ATP8A2: variants seen among roughly 807,000 people sequenced by gnomAD.
The protein encoded by ATP8A2 is phospholipid-transporting ATPase IB.
A neutral mutation model predicts 165.6 loss-of-function variants in ATP8A2; 100 were observed. The ratio of observed to expected loss-of-function variants is 0.60; its 90% CI spans 0.51 to 0.71. The LOEUF (loss-of-function observed/expected upper bound fraction) is 0.71. ATP8A2 is among the 30% of genes least tolerant of loss of function. The pLI, the probability that ATP8A2 is intolerant of heterozygous loss-of-function variation, is 0.00. For missense variants in ATP8A2, 1,227 were observed against 1,479.5 expected, an observed-to-expected ratio of 0.83 and a Z score of 2.80; for synonymous variants, 543 against 548.8, an observed-to-expected ratio of 0.99 and a Z score of 0.15.
chr13:25,603,582 G>A lies in ATP8A2; in HGVS notation c.2211+13883G>A, dbSNP rs1053566206. ...GGCAGGAGCCCACCTAGTAGCTGGG[G>A]ATGCTGATCCAGGCAGAAGATGATG... is the stretch of plus-strand genomic sequence containing the variant. On this transcript the variant is annotated intron_variant, in intron 24 of 36. Transcript: ENST00000381655. Among the ~76,000 whole-genome samples, 5 of 152,254 alleles carry A rather than the reference G, an allele frequency of 3.3e-5. 1 individual carries two copies. Among genetic ancestry groups the A allele is most frequent in the Admixed American group, 2.6e-4 (4 of 15,300 alleles).
chr13:25,373,018 G>A (rs2032482617), intron 1 of ATP8A2, among the ~76,000 whole-genome samples: 1 of 152,222 alleles, frequency 6.6e-6, no homozygotes, highest in Admixed American at 6.5e-5. Flanking sequence ...ACTGTTAGAG[G>A]CCCGCGTTCT....
intron 1 of ATP8A2, among the ~76,000 whole-genome samples, chr13:25,399,507 T>G (rs1215526098): frequency 2.5e-5 from 3 of 120,660 alleles, no homozygotes; most frequent in African/African-American, 9.3e-5. Context: ...CACGCCATTC[T>G]CCTGCCTCAG....
At chr13:25,822,036 G>A (rs1037733282) in intron 27 of ATP8A2, among the ~76,000 whole-genome samples, 2 of 152,120 alleles carry the variant, frequency 1.3e-5, no homozygotes, top group African/African-American at 2.4e-5. Context: ...ATATGAGTAT[G>A]TACATCTGTT....
At chr13:25,577,208 C>T in intron 20 of ATP8A2, 70 bp downstream of exon 20, 2 of 1,252,310 alleles carry the variant, frequency 1.6e-6, no homozygotes, top group Admixed American at 1.7e-5. Flanking sequence ...CTTTTCCTAA[C>T]TGCTTTCCTC....
intron 2 of ATP8A2, among the ~76,000 whole-genome samples, chr13:25,475,233 C>A (rs2035960662): frequency 6.6e-6 from 1 of 152,128 alleles, no homozygotes; most frequent in Non-Finnish European, 1.5e-5. Flanking sequence ...CATGAGTTCT[C>A]ATCATTTAGC....
rs186108008 is a variant in ATP8A2, at chr13:25,660,525, A to T, written c.2212-38648A>T. On this transcript the variant is annotated intron_variant, in intron 24 of 36. Coordinates refer to ENST00000381655, the MANE Select transcript of ATP8A2 (RefSeq NM_016529.6). ...AAGACAGAAGAACTTTTTACGAATG[A>T]TGTTGGCAGAGAGAGATGGCAGTTT... is the stretch of plus-strand genomic sequence containing the variant. Among the ~76,000 whole-genome samples the T allele has an allele frequency of 6.6e-5, 10 of 152,310 alleles. No individual in the cohort carries two copies. In the East Asian group the frequency reaches 1.7e-3, roughly 26 times the overall value.
chr13:25,800,593 G>C (rs1238969112), intron 27 of ATP8A2, among the ~76,000 whole-genome samples: 1 of 152,072 alleles, frequency 6.6e-6, no homozygotes, highest in Non-Finnish European at 1.5e-5. Context: ...ATGAATTTCT[G>C]CCTAAAAATT....
At chr13:25,373,635 A>T (rs2032507263) in intron 1 of ATP8A2, among the ~76,000 whole-genome samples, 1 of 152,184 alleles carries the variant, frequency 6.6e-6, no homozygotes. Flanking sequence ...AAAGAATCAA[A>T]GATGCCCCCA....
At chr13:25,425,049 G>A (rs145392661) in intron 1 of ATP8A2, among the ~76,000 whole-genome samples, 1 of 152,292 alleles carries the variant, frequency 6.6e-6, no homozygotes, top group Non-Finnish European at 1.5e-5. Context: ...AGTGATGACG[G>A]TGGAGATTCA....
At chr13:25,391,193 A>G (rs2137970108) in intron 1 of ATP8A2, among the ~76,000 whole-genome samples, 1 of 152,330 alleles carries the variant, frequency 6.6e-6, no homozygotes, top group South Asian at 2.1e-4. Flanking sequence ...AAATCAGAGA[A>G]GATGACTCCT....
chr13:25,908,952 C>T (rs900643796), intron 33 of ATP8A2, among the ~76,000 whole-genome samples: 2 of 152,098 alleles, frequency 1.3e-5, no homozygotes. Context: ...GAGCAAACAA[C>T]CTTAAGGAAT....
intron 24 of ATP8A2, among the ~76,000 whole-genome samples, chr13:25,687,580 C>T (rs1197853462): frequency 2.0e-5 from 3 of 152,140 alleles, no homozygotes; most frequent in African/African-American, 2.4e-5. Flanking sequence ...CTCTCCATGG[C>T]GTTGATATTC....
At chr13:25,557,106 A>G (rs914349918) in intron 13 of ATP8A2, among the ~76,000 whole-genome samples, 5 of 152,250 alleles carry the variant, frequency 3.3e-5, no homozygotes, top group Non-Finnish European at 7.3e-5. Context: ...GTAGACAAAA[A>G]AAAGCAAGTG....
chr13:25,793,885 G>C (rs1231810351), intron 27 of ATP8A2, among the ~76,000 whole-genome samples: 1 of 152,088 alleles, frequency 6.6e-6, no homozygotes, highest in South Asian at 2.1e-4. Flanking sequence ...CCCCACCCCA[G>C]TTCTTTAGCT....
intron 1 of ATP8A2, among the ~76,000 whole-genome samples, chr13:25,423,874 G>A (rs777651662): frequency 1.6e-4 from 24 of 152,294 alleles, no homozygotes; most frequent in Middle Eastern, 3.4e-3. Context: ...ACAAGCCAGT[G>A]AACAGCAATG....
intron 2 of ATP8A2, among the ~76,000 whole-genome samples, chr13:25,523,883 C>A (rs2037749326): frequency 1.3e-5 from 2 of 151,662 alleles, no homozygotes; most frequent in African/African-American, 2.4e-5. Flanking sequence ...TTTATTATTT[C>A]TTTTCTTCTA....
Position 25,854,468 on chromosome 13 carries a change from A to G in ATP8A2, c.2957-5727A>G, listed in dbSNP as rs549887655. On this transcript the variant is annotated intron_variant, in intron 30 of 36. Transcript: ENST00000381655. ...CTCCCACATAGCTGGAACTACAGGC[A>G]TGCACCAGCATACCTGGCTAGTTTT... Among the ~76,000 whole-genome samples the G allele has an allele frequency of 8.5e-5, 13 of 152,252 alleles. No homozygotes were observed. In the South Asian group the frequency reaches 2.7e-3, roughly 32 times the overall value.
intron 2 of ATP8A2, among the ~76,000 whole-genome samples, chr13:25,492,536 T>C (rs2036558708): frequency 6.6e-6 from 1 of 152,216 alleles, no homozygotes; most frequent in Non-Finnish European, 1.5e-5. Context: ...CATCACAAGA[T>C]GCCCAGCCTT....
chr13:25,634,800 A>T (rs191797238), intron 24 of ATP8A2, among the ~76,000 whole-genome samples: 2 of 152,178 alleles, frequency 1.3e-5, no homozygotes, highest in African/African-American at 4.8e-5. Flanking sequence ...TATAATTTTA[A>T]CTCTTTGATA....
Sources: allele counts gnomAD v4.1 joint callset (sites outside exome capture counted in the v4.1 genomes callset), GRCh38; gene constraint gnomAD v4.1.1; transcripts MANE v1.5; gene names NCBI Gene and HGNC (gene_info 2026-07-23, HGNC 2026-07-21).